Variants in MRS2 observed in about 807,000 individuals in gnomAD.
MRS2 encodes the protein magnesium transporter MRS2 homolog, mitochondrial.
A neutral mutation model predicts 52.6 loss-of-function variants in MRS2; 40 were observed. That is an observed-to-expected ratio of 0.76 (90% CI 0.59 to 0.99). The LOEUF (loss-of-function observed/expected upper bound fraction) is 0.99, where lower values mean the gene tolerates loss of function less well. Among genes scored for constraint, MRS2 ranks in the 50% least tolerant of loss-of-function variants. The pLI is 0.00. For missense variants in MRS2, 472 were observed against 532.7 expected, an observed-to-expected ratio of 0.89 and a Z score of 1.12; for synonymous variants, 193 against 195.9, an observed-to-expected ratio of 0.98 and a Z score of 0.13.
chr6:24,416,407 T>G lies in MRS2; in HGVS notation c.730T>G (p.Leu244Val). ...LLQNGKSLSE[L>V]ETDIKIFKES... The stretch of plus-strand genomic sequence containing the variant: ...ATCTATTTCTTATAGTCTATCAGAG[T>G]TAGAAACAGATATTAAAATTTTCAA... Residue 244 changes from leucine to valine, a missense_variant, in exon 7 of 11, where the codon TTA becomes GTA. By Grantham distance (32) the Leu-to-Val change is conservative (BLOSUM62 1). Coordinates refer to ENST00000378386, the MANE Select transcript of MRS2 (RefSeq NM_020662.4). The G allele has an allele frequency of 7.1e-7, 1 of 1,413,046 alleles. No individual in the cohort carries two copies. Among genetic ancestry groups the G allele is most frequent in the Non-Finnish European group, 1.0e-6 (1 of 999,936 alleles). 87.5% of individuals were successfully genotyped at this position (1,413,046 alleles called of 1,614,324 possible).
chr6:24,425,314 A>G lies in MRS2; in HGVS notation c.*1620A>G, dbSNP rs1158485136. On this transcript the variant is annotated 3_prime_UTR_variant, in exon 11 of 11. Transcript: ENST00000378386. Reference sequence around the variant, plus strand: ...ATTTGATTTGACTAAGATCAGGCATAAGATAGAATTTTTGTCATTTTTCCT... The same window carrying G: ...ATTTGATTTGACTAAGATCAGGCATGAGATAGAATTTTTGTCATTTTTCCT... The G allele has an allele frequency of 6.6e-6, 1 of 152,234 alleles. No homozygotes were observed. Among genetic ancestry groups the G allele is most frequent in the Non-Finnish European group, 1.5e-5 (1 of 68,040 alleles). 9.4% of individuals were successfully genotyped at this position (152,234 alleles called of 1,614,324 possible). A position where few individuals can be genotyped will look rare whatever the true frequency, so the allele number is the denominator to read the frequency against.
At chr6:24,406,215 G>T (rs1761471335) in intron 2 of MRS2, among the ~76,000 whole-genome samples, 1 of 151,242 alleles carries the variant, frequency 6.6e-6, no homozygotes, top group Admixed American at 6.6e-5. Flanking sequence ...TAACATCTTT[G>T]TGCCTTAGTT....
Position 24,405,151 on chromosome 6 carries a change from C to T in MRS2, c.191-17C>T. 1 of 1,604,940 alleles carries T rather than the reference C, an allele frequency of 6.2e-7. No homozygotes were observed. Among genetic ancestry groups the T allele is most frequent in the South Asian group, 1.1e-5 (1 of 90,884 alleles). ...CCAATCATGTGACCACAGGAATTCT[C>T]TTAATTTATTCTTCAGGTGAAGTGC... On this transcript the variant is annotated splice_polypyrimidine_tract_variant and intron_variant, in intron 1 of 10. Coordinates refer to ENST00000378386, the MANE Select transcript of MRS2 (RefSeq NM_020662.4).
chr6:24,420,562 G>A (rs187883804), intron 9 of MRS2, among the ~76,000 whole-genome samples: 21 of 152,304 alleles, frequency 1.4e-4, no homozygotes, highest in African/African-American at 4.1e-4. Context: ...AGGTTATATT[G>A]TAGTGGAGGA....
In MRS2 at chr6:24,412,220, AG is replaced by A. The variant is rs758040662; in HGVS notation, c.415-1del. On this transcript the variant is annotated splice_acceptor_variant, in intron 4 of 10. Transcript: ENST00000378386. LOFTEE classifies it high-confidence loss of function. Reference sequence around the variant, plus strand: ...ATGTTTTGGTTTTTTTTTTTTTAACAGTATTTGAAAGCTGTGATAACTCCAG... The same window carrying A: ...ATGTTTTGGTTTTTTTTTTTTTAACATATTTGAAAGCTGTGATAACTCCAG... 5 of 1,522,550 alleles carry A rather than the reference AG, an allele frequency of 3.3e-6. No homozygotes were observed. In the East Asian group the frequency reaches 1.2e-4, roughly 36 times the overall value. 94.3% of individuals were successfully genotyped at this position (1,522,550 alleles called of 1,614,324 possible).
intron 2 of MRS2, among the ~76,000 whole-genome samples, chr6:24,406,121 A>AAAG (rs71002492): frequency 6.7e-6 from 1 of 148,454 alleles, no homozygotes; most frequent in African/African-American, 2.4e-5. Flanking sequence ...AAAAAAAAAA[A>AAAG]GGTGTGCCTA....
intron 5 of MRS2, among the ~76,000 whole-genome samples, chr6:24,413,333 G>A (rs60733773): frequency 0.043 from 6,521 of 152,150 alleles, 468 homozygotes; most frequent in African/African-American, 0.15. Flanking sequence ...AGTTCAGGAT[G>A]TCTGCTGGGA....
chr6:24,403,809 C>T (rs749645949), intron 1 of MRS2, among the ~76,000 whole-genome samples: 2 of 152,142 alleles, frequency 1.3e-5, no homozygotes, highest in South Asian at 4.1e-4. Flanking sequence ...GTTATGGACA[C>T]ATTTATACAG....
At chr6:24,410,962 G>A (rs145110054) in intron 4 of MRS2, among the ~76,000 whole-genome samples, 3,298 of 152,208 alleles carry the variant, frequency 0.022, 121 homozygotes, top group African/African-American at 0.074. Context: ...GCCGAGAGGG[G>A]TGGATCACCT....
At chr6:24,408,543 T>C in intron 3 of MRS2, 99 bp downstream of exon 3, 1 of 842,192 alleles carries the variant, frequency 1.2e-6, no homozygotes, top group Admixed American at 2.1e-5. Context: ...ATTCTTTGCA[T>C]ATACAGGTGT....
chr6:24,409,782 T>G lies in MRS2; in HGVS notation c.414+209T>G, dbSNP rs184892401. Among the ~76,000 whole-genome samples the G allele has an allele frequency of 2.2e-4, 34 of 152,366 alleles. No homozygotes were observed. In the East Asian group the frequency reaches 6.6e-3, roughly 29 times the overall value. On this transcript the variant is annotated intron_variant, in intron 4 of 10. Transcript: ENST00000378386. ...ACATGTTCAATAGGCATAACACTGC[T>G]GTGTTTTAAGTTGGAAAAGCTCTGA...
In MRS2 at chr6:24,424,222, T is replaced by C. The variant is rs956067154; in HGVS notation, c.*528T>C. 3 of 116,698 alleles carry C rather than the reference T, an allele frequency of 2.6e-5. No homozygotes were observed. Among genetic ancestry groups the C allele is most frequent in the Non-Finnish European group, 4.1e-5 (2 of 48,466 alleles). The allele number at this position is 116,698 out of a possible 1,614,324, so 7.2% of individuals were successfully genotyped here. A position where few individuals can be genotyped will look rare whatever the true frequency, so the allele number is the denominator to read the frequency against. ...ACCTTATTTCTTGTATTTGCCCCCT[T>C]TTTTTTATAAAAGGTGAATAAAAAG... On this transcript the variant is annotated 3_prime_UTR_variant, in exon 11 of 11. Transcript: ENST00000378386.
chr6:24,421,254 G>A (rs1762032783), intron 9 of MRS2, among the ~76,000 whole-genome samples: 1 of 152,182 alleles, frequency 6.6e-6, no homozygotes, highest in South Asian at 2.1e-4. Flanking sequence ...TATAGTTTTA[G>A]TATGTGCAAT....
chr6:24,411,017 C>T (rs1452356747), intron 4 of MRS2, among the ~76,000 whole-genome samples: 1 of 151,700 alleles, frequency 6.6e-6, no homozygotes, highest in African/African-American at 2.4e-5. Flanking sequence ...GGTGAAACCC[C>T]GTCTCTACTA....
chr6:24,410,432 T>C (rs1051397493), intron 4 of MRS2, among the ~76,000 whole-genome samples: 7 of 152,336 alleles, frequency 4.6e-5, no homozygotes, highest in Non-Finnish European at 7.4e-5. Context: ...GGTTCAAAAA[T>C]AGATGAATGG....
At position 24,412,395 on chromosome 6, in the gene MRS2, G is replaced by C; in HGVS notation, c.588G>C (p.Trp196Cys). 1.3e-6 allele frequency: 2 copies of C among 1,527,574 alleles called. No individual in the cohort carries two copies. Among genetic ancestry groups the C allele is most frequent in the South Asian group, 1.3e-5 (1 of 77,840 alleles). The allele number at this position is 1,527,574 out of a possible 1,614,324, so 94.6% of individuals were successfully genotyped here. ...FRAIEALLQY[W>C]INTLQGKLSI... ...CTATAGAAGCACTCCTGCAATATTGGGTAAGTCTGTTTTTATTTAGCTTCT... is the reference window on the plus strand; with the variant it reads ...CTATAGAAGCACTCCTGCAATATTGCGTAAGTCTGTTTTTATTTAGCTTCT... Residue 196 changes from tryptophan to cysteine, a missense_variant and splice_region_variant, in exon 5 of 11, where the codon TGG becomes TGC. Physicochemically the swap from Trp to Cys is radical, Grantham distance 215. Coordinates refer to ENST00000378386, the MANE Select transcript of MRS2 (RefSeq NM_020662.4).
chr6:24,408,287 G>A, intron 2 of MRS2, 121 bp from the exon 3 acceptor site: 1 of 657,192 alleles, frequency 1.5e-6, no homozygotes, highest in Non-Finnish European at 2.7e-6. Flanking sequence ...GTTTATATTT[G>A]CATTTCAACA....
chr6:24,423,005 GCTTT>G lies in MRS2; in HGVS notation c.1178_1181del (p.Leu393HisfsTer7). On this transcript the variant is annotated frameshift_variant, in exon 10 of 11. Transcript: ENST00000378386. LOFTEE classifies it high-confidence loss of function. ...GAAGTGGCCTCATCTGGAGGCGCCT[GCTTT>G]CATTCCTTGGACGACAGCTAGAAGC... 1 of 1,614,122 alleles carries G rather than the reference GCTTT, an allele frequency of 6.2e-7. No homozygotes were observed. Among genetic ancestry groups the G allele is most frequent in the Non-Finnish European group, 8.5e-7 (1 of 1,180,000 alleles).
chr6:24,422,103 T>C (rs1286556419), intron 9 of MRS2, among the ~76,000 whole-genome samples: 1 of 152,108 alleles, frequency 6.6e-6, no homozygotes, highest in Non-Finnish European at 1.5e-5. Flanking sequence ...TGAGCCAAGA[T>C]TGAGCCACTG....
Sources: gnomAD v4.1 joint callset for allele counts (sites outside exome capture counted in the v4.1 genomes callset) on GRCh38, gnomAD v4.1.1 for gene constraint, MANE v1.5 for transcripts, NCBI Gene and HGNC (gene_info 2026-07-23, HGNC 2026-07-21) for gene names.